The following CFAP299 variants were observed in gnomAD, a reference collection of about 807,000 sequenced individuals.
The protein encoded by CFAP299 is cilia and flagella associated protein 299.
In CFAP299, 21 loss-of-function variants were observed where a neutral mutation model predicts 27.0. That is an observed-to-expected ratio of 0.78 (90% CI 0.55 to 1.12). The LOEUF is 1.12. CFAP299 is among the 50% of genes most tolerant of loss of function. The probability of loss-of-function intolerance (pLI) is 0.00; values close to 1 mark genes in which losing one functional copy is unlikely to be tolerated. For missense variants in CFAP299, 310 were observed against 276.6 expected (o/e 1.12, Z -0.86); for synonymous variants, 104 against 98.1 (o/e 1.06, Z -0.36).
intron 3 of CFAP299, among the ~76,000 whole-genome samples, chr4:80,848,607 AAT>A (rs1204151986): frequency 6.6e-6 from 1 of 151,896 alleles, no homozygotes; most frequent in Non-Finnish European, 1.5e-5. Context: ...TCACTCTCCA[AAT>A]ACTAAAACTA....
intron 2 of CFAP299, among the ~76,000 whole-genome samples, chr4:80,473,572 A>T (rs1297661872): frequency 1.3e-5 from 2 of 151,948 alleles, no homozygotes; most frequent in Admixed American, 6.6e-5. Flanking sequence ...TATTAAAAAA[A>T]AATAGATTTT....
intron 3 of CFAP299, among the ~76,000 whole-genome samples, chr4:80,635,278 T>G (rs1173801761): frequency 2.6e-5 from 4 of 152,238 alleles, no homozygotes; most frequent in Non-Finnish European, 5.9e-5. Flanking sequence ...GAAATTGCAA[T>G]TGTCATATGC....
At chr4:80,541,096 T>G (rs977576497) in intron 2 of CFAP299, among the ~76,000 whole-genome samples, 7 of 151,708 alleles carry the variant, frequency 4.6e-5, no homozygotes, top group Admixed American at 2.0e-4. Context: ...TTTTTCGTTT[T>G]ACAAGAAATA....
intron 2 of CFAP299, among the ~76,000 whole-genome samples, chr4:80,522,399 A>G (rs1233551669): frequency 6.6e-6 from 1 of 152,042 alleles, no homozygotes; most frequent in African/African-American, 2.4e-5. Context: ...TATTTTGGAT[A>G]CAAACCCTTA....
chr4:80,626,244 T>C (rs1189173481), intron 3 of CFAP299, among the ~76,000 whole-genome samples: 1 of 152,010 alleles, frequency 6.6e-6, no homozygotes, highest in East Asian at 1.9e-4. Context: ...GAGGAGACAC[T>C]TTGGAAAATT....
At chr4:80,396,196 T>C (rs909890270) in intron 2 of CFAP299, among the ~76,000 whole-genome samples, 2 of 152,182 alleles carry the variant, frequency 1.3e-5, no homozygotes, top group African/African-American at 2.4e-5. Context: ...GTATTTGGTC[T>C]AAGGGAAGGG....
chr4:80,397,528 AT>A (rs1438977841), intron 2 of CFAP299, among the ~76,000 whole-genome samples: 1 of 152,040 alleles, frequency 6.6e-6, no homozygotes, highest in Non-Finnish European at 1.5e-5. Context: ...TAAGCTATAA[AT>A]TTCCCTCTAC....
intron 3 of CFAP299, among the ~76,000 whole-genome samples, chr4:80,815,229 A>G (rs1401954609): frequency 6.6e-6 from 1 of 151,964 alleles, no homozygotes; most frequent in Admixed American, 6.6e-5. Context: ...AGATGACAGG[A>G]CTGAGAAAAA....
At chr4:80,877,340 C>G (rs1733438933) in intron 4 of CFAP299, among the ~76,000 whole-genome samples, 1 of 152,092 alleles carries the variant, frequency 6.6e-6, no homozygotes, top group African/African-American at 2.4e-5. Flanking sequence ...GCAGAGATCC[C>G]AAAAGCCATA....
At chr4:80,730,427 AAGGC>A (rs1723451418) in intron 3 of CFAP299, among the ~76,000 whole-genome samples, 5 of 151,934 alleles carry the variant, frequency 3.3e-5, no homozygotes, top group African/African-American at 1.2e-4. Flanking sequence ...CCATGAAGGC[AAGGC>A]TCCCCCAGAG....
intron 4 of CFAP299, among the ~76,000 whole-genome samples, chr4:80,891,052 C>G (rs1025585335): frequency 2.9e-4 from 44 of 151,524 alleles, no homozygotes; most frequent in African/African-American, 1.0e-3. Context: ...TGTGCAGAAG[C>G]TCTTTAGTTT....
intron 4 of CFAP299, among the ~76,000 whole-genome samples, chr4:80,911,199 C>T (rs551941268): frequency 6.8e-6 from 1 of 148,062 alleles, no homozygotes; most frequent in South Asian, 2.1e-4. Flanking sequence ...CAAAGTTTTA[C>T]ATTTTTTTGC....
At chr4:80,358,473 T>C (rs1159224618) in intron 1 of CFAP299, among the ~76,000 whole-genome samples, 1 of 152,204 alleles carries the variant, frequency 6.6e-6, no homozygotes, top group East Asian at 1.9e-4. Context: ...TCTAAGTCTC[T>C]TTGAAGGTCT....
intron 3 of CFAP299, among the ~76,000 whole-genome samples, chr4:80,714,534 A>T (rs1722363708): frequency 6.6e-6 from 1 of 152,130 alleles, no homozygotes; most frequent in Non-Finnish European, 1.5e-5. Flanking sequence ...AATGTGAGTC[A>T]GTTCTTGAGA....
At chr4:80,403,450 A>G (rs1248397270) in intron 2 of CFAP299, among the ~76,000 whole-genome samples, 1 of 152,100 alleles carries the variant, frequency 6.6e-6, no homozygotes, top group Non-Finnish European at 1.5e-5. Context: ...TTTTTTTCCA[A>G]TACAAACTGT....
intron 3 of CFAP299, among the ~76,000 whole-genome samples, chr4:80,789,175 T>C (rs1249487829): frequency 6.6e-6 from 1 of 152,090 alleles, no homozygotes; most frequent in East Asian, 1.9e-4. Context: ...GTTATCTGTA[T>C]AAAAATATCC....
At chr4:80,410,914 T>G (rs1489489760) in intron 2 of CFAP299, among the ~76,000 whole-genome samples, 2 of 152,154 alleles carry the variant, frequency 1.3e-5, no homozygotes, top group African/African-American at 4.8e-5. Flanking sequence ...CTGGCAGCTT[T>G]TGTTAATAAG....
chr4:80,662,257 G>T (rs539085047), intron 3 of CFAP299, among the ~76,000 whole-genome samples: 1 of 152,002 alleles, frequency 6.6e-6, no homozygotes, highest in Non-Finnish European at 1.5e-5. Flanking sequence ...GGCTCAGGGG[G>T]CATCACAGAA....
chr4:80,783,679 C>T (rs949083143), intron 3 of CFAP299, among the ~76,000 whole-genome samples: 5 of 152,088 alleles, frequency 3.3e-5, no homozygotes, highest in African/African-American at 1.2e-4. Flanking sequence ...TATATTATGG[C>T]ATTTTGAACA....
Sources: allele counts gnomAD v4.1 joint callset (sites outside exome capture counted in the v4.1 genomes callset), GRCh38; gene constraint gnomAD v4.1.1; transcripts MANE v1.5; gene names NCBI Gene and HGNC (gene_info 2026-07-23, HGNC 2026-07-21).